The following SLC44A3 variants were observed in gnomAD, a reference collection of about 807,000 sequenced individuals.
SLC44A3 encodes the protein solute carrier family 44 member 3.
A neutral mutation model predicts 75.4 loss-of-function variants in SLC44A3; 74 were observed. That is an observed-to-expected ratio of 0.98 (90% CI 0.81 to 1.19). SLC44A3 has a LOEUF of 1.19. SLC44A3 is among the 50% of genes most tolerant of loss of function. The probability of loss-of-function intolerance (pLI) is 0.00; values close to 1 mark genes in which losing one functional copy is unlikely to be tolerated. For missense variants in SLC44A3, 700 were observed against 778.6 expected (o/e 0.90, Z 1.20); for synonymous variants, 310 against 296.9 (o/e 1.04, Z -0.45).
At chr1:94,854,164 C>T (rs1182875699) in intron 9 of SLC44A3, among the ~76,000 whole-genome samples, 3 of 152,124 alleles carry the variant, frequency 2.0e-5, no homozygotes, top group Admixed American at 6.6e-5. Flanking sequence ...TACCATTCTC[C>T]GATTTCAAGT....
At position 94,820,948 on chromosome 1, in the gene SLC44A3, G is replaced by A. The variant is rs1374904340; in HGVS notation, c.28-1G>A. ...TTCTCAACTCTCCCTTTTTCTGGAA[G>A]GTTTCTGCAGAAGGAGCCCCTAGGC... On this transcript the variant is annotated splice_acceptor_variant, in intron 1 of 14. Transcript: ENST00000271227. LOFTEE classifies it high-confidence loss of function. 2 of 1,549,256 alleles carry A rather than the reference G, an allele frequency of 1.3e-6. No homozygotes were observed. The highest frequency in any genetic ancestry group is 1.4e-5 in the African/African-American group (1 of 73,036).
chr1:94,837,646 A>C (rs1031731780), intron 5 of SLC44A3, 65 bp from the exon 6 acceptor site: 2 of 1,467,824 alleles, frequency 1.4e-6, no homozygotes, highest in African/African-American at 2.9e-5. Flanking sequence ...AGAATGTTAA[A>C]TAAACATCTT....
chr1:94,868,956 C>G (rs6702146), intron 12 of SLC44A3, among the ~76,000 whole-genome samples: 32,545 of 152,248 alleles, frequency 0.21, 3,640 homozygotes, highest in African/African-American at 0.28. Context: ...AGAGAAATGG[C>G]TGAGGTGGAG....
At chr1:94,870,828 A>G (rs1183124825) in intron 12 of SLC44A3, among the ~76,000 whole-genome samples, 1 of 152,112 alleles carries the variant, frequency 6.6e-6, no homozygotes, top group African/African-American at 2.4e-5. Flanking sequence ...GACTACAGGC[A>G]CATGCCACCA....
intron 8 of SLC44A3, chr1:94,843,545 C>CTG (rs1553199712): frequency 6.6e-6 from 1 of 151,450 alleles, no homozygotes; most frequent in Non-Finnish European, 1.5e-5. Flanking sequence ...TATCCACTGT[C>CTG]ACTGTCTTTC....
At chr1:94,841,263 T>C (rs975993759) in intron 7 of SLC44A3, among the ~76,000 whole-genome samples, 3 of 152,212 alleles carry the variant, frequency 2.0e-5, no homozygotes, top group Non-Finnish European at 4.4e-5. Flanking sequence ...CAGTCCATTG[T>C]TGATCAAAAT....
chr1:94,883,841 C>G (rs147068791), intron 12 of SLC44A3, among the ~76,000 whole-genome samples: 1 of 152,198 alleles, frequency 6.6e-6, no homozygotes, highest in African/African-American at 2.4e-5. Context: ...GAGCATTTGT[C>G]CTTTTATTTA....
At chr1:94,879,124 C>T (rs1210603067) in intron 12 of SLC44A3, among the ~76,000 whole-genome samples, 1 of 151,662 alleles carries the variant, frequency 6.6e-6, no homozygotes, top group Non-Finnish European at 1.5e-5. Context: ...GAGTGAAAAT[C>T]ATCCTATAGA....
At chr1:94,852,713 A>T (rs698958) in intron 9 of SLC44A3, among the ~76,000 whole-genome samples, 2 of 151,990 alleles carry the variant, frequency 1.3e-5, no homozygotes, top group Non-Finnish European at 2.9e-5. Flanking sequence ...TGGAAGTGGC[A>T]TGACATATTA....
rs148534623 is a variant in SLC44A3, at chr1:94,845,290, G to A, written c.898G>A (p.Val300Ile). 96 of 1,610,002 alleles carry A rather than the reference G, an allele frequency of 6.0e-5. No homozygotes were observed. The highest frequency in any genetic ancestry group is 7.3e-5 in the Non-Finnish European group (86 of 1,178,208). ...CCTTTCTCACCAGGCAGTGCTGCTCGTCTTGATTTTTGTTCTCAGAAAGAG... is the reference window on the plus strand; with the variant it reads ...CCTTTCTCACCAGGCAGTGCTGCTCATCTTGATTTTTGTTCTCAGAAAGAG... ...VSTGITAVLL[V>I]LIFVLRKRIK... The change falls in exon 9 of 15, where the codon GTC becomes ATC. Residue 300 changes from valine (V) to isoleucine (I), a missense_variant. Physicochemically the swap from Val to Ile is conservative, Grantham distance 29. Transcript: ENST00000271227.
intron 2 of SLC44A3, among the ~76,000 whole-genome samples, 159 bp from the exon 3 acceptor site, chr1:94,824,334 A>T (rs922525914): frequency 6.6e-6 from 1 of 152,230 alleles, no homozygotes; most frequent in Non-Finnish European, 1.5e-5. Context: ...ATGCTGATAG[A>T]TGGGAGTTGC....
intron 14 of SLC44A3, among the ~76,000 whole-genome samples, chr1:94,894,110 A>T (rs923813491): frequency 2.0e-5 from 3 of 151,674 alleles, no homozygotes; most frequent in Non-Finnish European, 4.4e-5. Context: ...CCTCCCCCCC[A>T]AAAAAAATCC....
intron 2 of SLC44A3, among the ~76,000 whole-genome samples, chr1:94,821,893 T>G (rs1453849021): frequency 6.6e-6 from 1 of 152,228 alleles, no homozygotes; most frequent in African/African-American, 2.4e-5. Flanking sequence ...AGAAAGGCAT[T>G]TGTTCACTTA....
intron 12 of SLC44A3, among the ~76,000 whole-genome samples, chr1:94,878,916 C>T (rs1571419363): frequency 1.3e-5 from 2 of 152,092 alleles, no homozygotes; most frequent in Admixed American, 6.5e-5. Flanking sequence ...TTACCTTATA[C>T]AGGAAAATTA....
chr1:94,822,000 C>T (rs1660664829), intron 2 of SLC44A3, among the ~76,000 whole-genome samples: 1 of 152,204 alleles, frequency 6.6e-6, no homozygotes, highest in South Asian at 2.1e-4. Context: ...CGTTGGAACT[C>T]TCCCCTAGGA....
intron 12 of SLC44A3, chr1:94,888,542 C>T (rs2101660739): frequency 4.9e-6 from 2 of 406,288 alleles, no homozygotes; most frequent in African/African-American, 2.2e-5. Context: ...GGCCCCCAAA[C>T]TGGAGCAGCT....
intron 12 of SLC44A3, among the ~76,000 whole-genome samples, chr1:94,884,035 A>ATT (rs10665162): frequency 0.39 from 59,531 of 151,992 alleles, 12,519 homozygotes; most frequent in Non-Finnish European, 0.46. Context: ...GTGTTGTTTG[A>ATT]TTTTTTTAAG....
At chr1:94,865,221 A>G (rs1249052073) in intron 11 of SLC44A3, among the ~76,000 whole-genome samples, 1 of 152,148 alleles carries the variant, frequency 6.6e-6, no homozygotes, top group Non-Finnish European at 1.5e-5. Context: ...TTAAGGTGAA[A>G]TTTAAACAAG....
chr1:94,868,655 A>G (rs1217227337), intron 12 of SLC44A3, among the ~76,000 whole-genome samples: 6 of 152,252 alleles, frequency 3.9e-5, no homozygotes, highest in Non-Finnish European at 7.3e-5. Flanking sequence ...ATATTTTGAG[A>G]TGCATTGCAA....
Sources: gnomAD v4.1 joint callset for allele counts (sites outside exome capture counted in the v4.1 genomes callset) on GRCh38, gnomAD v4.1.1 for gene constraint, MANE v1.5 for transcripts, NCBI Gene and HGNC (gene_info 2026-07-23, HGNC 2026-07-21) for gene names.